Variants in GPC5 observed in about 807,000 individuals in gnomAD.
The protein encoded by GPC5 is glypican 5, also known as glypican-5.
A neutral mutation model predicts 53.9 loss-of-function variants in GPC5; 47 were observed. The observed-to-expected ratio is 0.87, with a 90% confidence interval of 0.69 to 1.11. GPC5 has a LOEUF of 1.11. Among genes scored for constraint, GPC5 ranks in the 50% most tolerant of loss-of-function variants. GPC5 has a pLI of 0.00. For synonymous variants in GPC5, 286 were observed against 263.3 expected (o/e 1.09, Z -0.84); for missense variants, 748 against 713.1 (o/e 1.05, Z -0.56).
At chr13:92,637,931 T>C (rs987080671) in intron 7 of GPC5, among the ~76,000 whole-genome samples, 1 of 151,980 alleles carries the variant, frequency 6.6e-6, no homozygotes, top group African/African-American at 2.4e-5. Context: ...CTTCTAGAGA[T>C]TAATCAAACA....
rs937603657 is a variant in GPC5 at position 92,460,439 on chromosome 13, T to C, written c.1561+315450T>C. Among the ~76,000 whole-genome samples, 5 of 152,252 alleles carry C rather than the reference T, an allele frequency of 3.3e-5. No homozygotes were observed. The East Asian group carries it at 5.8e-4, about 18-fold the overall frequency. ...TCCTTTCTTACTTTCTTTTTTTTTC[T>C]TTCTGCAAGGAAAAGTTATGTCCAA... On this transcript the variant is annotated intron_variant, in intron 7 of 7. Transcript: ENST00000377067.
chr13:92,333,349 C>A (rs1311160625), intron 7 of GPC5, among the ~76,000 whole-genome samples: 4 of 152,116 alleles, frequency 2.6e-5, no homozygotes, highest in African/African-American at 9.7e-5. Context: ...ACTCTTTAAC[C>A]AGAGCTTATC....
chr13:91,842,189 A>T lies in GPC5; in HGVS notation c.1281-65748A>T, dbSNP rs117279978. ...TTAGAGCAAAGGAATGAGAACATAT[A>T]CTTAGAAACAAGGCAATTCATTTGA... On this transcript the variant is annotated intron_variant, in intron 5 of 7. Coordinates refer to ENST00000377067, the MANE Select transcript of GPC5 (RefSeq NM_004466.6). 5.0e-3 allele frequency among the ~76,000 whole-genome samples: 758 copies of T among 152,124 alleles called. 4 individuals are homozygous for T. The highest frequency in any genetic ancestry group is 8.1e-3 in the Non-Finnish European group (549 of 68,002).
intron 7 of GPC5, among the ~76,000 whole-genome samples, chr13:92,728,571 C>T (rs1037141549): frequency 6.7e-6 from 1 of 149,464 alleles, no homozygotes; most frequent in Non-Finnish European, 1.5e-5. Context: ...AAATACTTTC[C>T]ACTTCTAGGA....
intron 5 of GPC5, among the ~76,000 whole-genome samples, chr13:91,770,704 T>TTA (rs1555345848): frequency 6.2e-5 from 9 of 145,554 alleles, no homozygotes; most frequent in Non-Finnish European, 1.4e-4. Context: ...GACTGTGTGT[T>TTA]TGTGTGTGTG....
chr13:92,460,508 A>G (rs1227978866), intron 7 of GPC5, among the ~76,000 whole-genome samples: 3 of 152,148 alleles, frequency 2.0e-5, no homozygotes, highest in Admixed American at 6.6e-5. Context: ...ATTAAAAACA[A>G]TTAGTATATT....
At chr13:91,559,712 C>A (rs2031157139) in intron 2 of GPC5, among the ~76,000 whole-genome samples, 1 of 151,966 alleles carries the variant, frequency 6.6e-6, no homozygotes, top group African/African-American at 2.4e-5. Flanking sequence ...AGGTGACTAC[C>A]CCATCTTTGC....
At chr13:92,405,808 C>T (rs1055408149) in intron 7 of GPC5, among the ~76,000 whole-genome samples, 14 of 152,086 alleles carry the variant, frequency 9.2e-5, no homozygotes, top group African/African-American at 2.9e-4. Flanking sequence ...TTTACACGTC[C>T]TCTGAAATCA....
intron 5 of GPC5, among the ~76,000 whole-genome samples, chr13:91,907,184 T>G (rs1165715325): frequency 6.7e-6 from 1 of 149,326 alleles, no homozygotes; most frequent in Admixed American, 6.7e-5. Flanking sequence ...TTGTTATTGA[T>G]GTATACTGCC....
chr13:91,606,613 A>G (rs1354655029), intron 2 of GPC5, among the ~76,000 whole-genome samples: 1 of 148,758 alleles, frequency 6.7e-6, no homozygotes, highest in African/African-American at 2.5e-5. Flanking sequence ...TAAGCTATTG[A>G]TTATTGCCAC....
chr13:91,649,482 C>T (rs1453987275), intron 2 of GPC5, among the ~76,000 whole-genome samples: 1 of 152,174 alleles, frequency 6.6e-6, no homozygotes. Flanking sequence ...GTTATTACTA[C>T]ACTACTAGTT....
At chr13:92,578,207 T>A (rs941648052) in intron 7 of GPC5, among the ~76,000 whole-genome samples, 3 of 152,156 alleles carry the variant, frequency 2.0e-5, no homozygotes, top group Non-Finnish European at 2.9e-5. Context: ...AACAGGGACA[T>A]GGCTCAATCG....
chr13:91,748,514 G>A (rs1397941061), intron 4 of GPC5, among the ~76,000 whole-genome samples: 1 of 152,204 alleles, frequency 6.6e-6, no homozygotes, highest in African/African-American at 2.4e-5. Context: ...TTAAAAACTA[G>A]TCTGGGGCTA....
intron 5 of GPC5, among the ~76,000 whole-genome samples, chr13:91,907,086 C>CAT (rs34091631): frequency 0.72 from 106,049 of 147,184 alleles, 38,816 homozygotes; most frequent in East Asian, 0.96. Context: ...AGTGATGTGC[C>CAT]ATATATATAT....
chr13:92,700,176 T>C (rs1887683186), intron 7 of GPC5, among the ~76,000 whole-genome samples: 1 of 152,178 alleles, frequency 6.6e-6, no homozygotes, highest in Non-Finnish European at 1.5e-5. Flanking sequence ...TTTACCATTA[T>C]GTAATGCCCT....
chr13:92,732,465 T>A (rs1888834088), intron 7 of GPC5, among the ~76,000 whole-genome samples: 1 of 151,294 alleles, frequency 6.6e-6, no homozygotes, highest in South Asian at 2.1e-4. Context: ...TTGTATCCAA[T>A]ATGTTTAATT....
At chr13:91,766,187 A>G (rs989341551) in intron 5 of GPC5, among the ~76,000 whole-genome samples, 1 of 152,240 alleles carries the variant, frequency 6.6e-6, no homozygotes, top group Non-Finnish European at 1.5e-5. Context: ...AAATCTTTCA[A>G]GTTGGATGGA....
intron 7 of GPC5, among the ~76,000 whole-genome samples, chr13:92,423,101 G>A (rs1876656412): frequency 6.6e-6 from 1 of 152,130 alleles, no homozygotes; most frequent in Admixed American, 6.5e-5. Flanking sequence ...CTTCTGTGTA[G>A]TAGAAAGAGG....
At chr13:91,844,744 C>T (rs1424386108) in intron 5 of GPC5, among the ~76,000 whole-genome samples, 1 of 151,812 alleles carries the variant, frequency 6.6e-6, no homozygotes, top group Non-Finnish European at 1.5e-5. Flanking sequence ...TTTTTTTAGA[C>T]AGAGTCTCAC....
Sources: gnomAD v4.1 joint callset for allele counts (sites outside exome capture counted in the v4.1 genomes callset) on GRCh38, gnomAD v4.1.1 for gene constraint, MANE v1.5 for transcripts, NCBI Gene and HGNC (gene_info 2026-07-23, HGNC 2026-07-21) for gene names.